PCDHGB1: variants seen among roughly 807,000 people sequenced by gnomAD.
The protein encoded by PCDHGB1 is protocadherin gamma-B1.
In PCDHGB1, 34 loss-of-function variants were observed where a neutral mutation model predicts 56.6. The observed-to-expected ratio is 0.60, with a 90% CI of 0.46 to 0.80. PCDHGB1 has a LOEUF of 0.80. Ranked by LOEUF, PCDHGB1 falls within the 30% of genes least tolerant of loss-of-function variation. The pLI, the probability that PCDHGB1 is intolerant of heterozygous loss-of-function variation, is 0.00. For synonymous variants in PCDHGB1, 561 were observed against 505.9 expected, an observed-to-expected ratio of 1.11 and a Z score of -1.46; for missense variants, 1,278 against 1,204.6, an observed-to-expected ratio of 1.06 and a Z score of -0.90.
intron 1 of PCDHGB1, chr5:141,441,973 C>T (rs1457832429): frequency 6.7e-6 from 2 of 296,542 alleles, no homozygotes; most frequent in Admixed American, 4.4e-5. Context: ...GCTCTTCAGC[C>T]TGGAATGCGC....
At chr5:141,381,572 T>A (rs566489339) in intron 1 of PCDHGB1, among the ~76,000 whole-genome samples, 1 of 152,338 alleles carries the variant, frequency 6.6e-6, no homozygotes, top group African/African-American at 2.4e-5. Flanking sequence ...ATGAAAAGAA[T>A]CAGCCAATCC....
At chr5:141,374,035 A>G in intron 1 of PCDHGB1, 1 of 1,444,760 alleles carries the variant, frequency 6.9e-7, no homozygotes, top group Non-Finnish European at 9.1e-7. Context: ...AGTGATGCAG[A>G]TCTGTTCTTC....
chr5:141,504,645 T>C (rs1481469819), intron 2 of PCDHGB1, among the ~76,000 whole-genome samples: 2 of 112,538 alleles, frequency 1.8e-5, no homozygotes, highest in Non-Finnish European at 3.4e-5. Context: ...GGTTTGATGA[T>C]AGAGTGTTTG....
chr5:141,404,909 C>G, intron 1 of PCDHGB1: 1 of 1,613,916 alleles, frequency 6.2e-7, no homozygotes, highest in Non-Finnish European at 8.5e-7. Flanking sequence ...TGGCCAGCCC[C>G]CTCTCTCGGC....
Position 141,350,650 on chromosome 5 carries a change from C to G in PCDHGB1, c.390C>G (p.Phe130Leu). The G allele has an allele frequency of 5.6e-6, 9 of 1,614,020 alleles. No individual in the cohort carries two copies. Among genetic ancestry groups the G allele is most frequent in the Non-Finnish European group, 6.8e-6 (8 of 1,179,898 alleles). ...ATATTAATGACAATGCACCACGTTT[C>G]GTTGCAAAAGGCATTGACTTAGAAA... Reference protein sequence around the residue: ...IQDINDNAPRFVAKGIDLEIC... With the variant: ...IQDINDNAPRLVAKGIDLEIC... Residue 130 changes from phenylalanine (F) to leucine (L), a missense_variant, in exon 1 of 4, where the codon TTC becomes TTG. Physicochemically the swap from Phe to Leu is conservative, Grantham distance 22. Transcript: ENST00000523390.
intron 1 of PCDHGB1, chr5:141,388,296 T>G: frequency 1.2e-6 from 2 of 1,613,704 alleles, no homozygotes; most frequent in Non-Finnish European, 1.7e-6. Flanking sequence ...GCAAAATTCC[T>G]TTGAGCTGCA....
chr5:141,384,218 T>C (rs1245580303), intron 1 of PCDHGB1: 2 of 1,613,904 alleles, frequency 1.2e-6, no homozygotes, highest in Non-Finnish European at 1.7e-6. Context: ...CACATATTCA[T>C]GCAGGTGGCA....
chr5:141,492,851 C>T (rs1289268967), intron 1 of PCDHGB1, among the ~76,000 whole-genome samples: 2 of 152,204 alleles, frequency 1.3e-5, no homozygotes, highest in Non-Finnish European at 2.9e-5. Flanking sequence ...GTGAAAGCCT[C>T]GAGCGCCCTG....
chr5:141,491,513 A>C lies in PCDHGB1; in HGVS notation c.2410-3294A>C, dbSNP rs1163218369. On this transcript the variant is annotated intron_variant, in intron 1 of 3. Coordinates refer to ENST00000523390, the MANE Select transcript of PCDHGB1 (RefSeq NM_018922.3). The surrounding 1 kb of genome is among the most constrained non-coding windows in gnomAD (Gnocchi z 6.9). ...CAGGTGAGCTCGGACGGCACGCTCAAGTACATGGAGGTGACGCTGCGGCCC... is the reference window on the plus strand; with the variant it reads ...CAGGTGAGCTCGGACGGCACGCTCACGTACATGGAGGTGACGCTGCGGCCC... The C allele has an allele frequency of 6.2e-7, 1 of 1,613,934 alleles. No individual in the cohort carries two copies. Among genetic ancestry groups the C allele is most frequent in the East Asian group, 2.2e-5 (1 of 44,888 alleles).
chr5:141,412,918 G>A (rs893690519), intron 1 of PCDHGB1: 17 of 414,102 alleles, frequency 4.1e-5, no homozygotes, highest in Non-Finnish European at 5.5e-5. Context: ...TATCACTTGG[G>A]TGCAGTAACT....
At position 141,397,472 on chromosome 5, in the gene PCDHGB1, A is replaced by T. The variant is rs548612657; in HGVS notation, c.2409+44803A>T. 6.6e-4 allele frequency among the ~76,000 whole-genome samples: 100 copies of T among 152,362 alleles called. 1 individual carries two copies. Among genetic ancestry groups the T allele is most frequent in the African/African-American group, 2.4e-3 (99 of 41,586 alleles). ...AACACTAGAAATATTGGGGAGTTGG[A>T]AATCATAGAAATGAACAGAAGAATG... On this transcript the variant is annotated intron_variant, in intron 1 of 3. Coordinates refer to ENST00000523390, the MANE Select transcript of PCDHGB1 (RefSeq NM_018922.3).
chr5:141,489,530 G>A lies in PCDHGB1; in HGVS notation c.2410-5277G>A. 6.2e-7 allele frequency: 1 copy of A among 1,614,092 alleles called. No homozygotes were observed. Among genetic ancestry groups the A allele is most frequent in the Non-Finnish European group, 8.5e-7 (1 of 1,180,022 alleles). On this transcript the variant is annotated intron_variant, in intron 1 of 3. Transcript: ENST00000523390. This position sits in a 1 kb window ranked among gnomAD's most constrained non-coding sequence, Gnocchi z 4.5. ...AAGATTGACCGAGAAAGCCTATGTGGAGCCAGCACCAGCTGCCTGCTGCCA... is the reference window on the plus strand; with the variant it reads ...AAGATTGACCGAGAAAGCCTATGTGAAGCCAGCACCAGCTGCCTGCTGCCA...
At chr5:141,360,070 C>T (rs1230687498) in intron 1 of PCDHGB1, 2 of 1,469,578 alleles carry the variant, frequency 1.4e-6, no homozygotes, top group Non-Finnish European at 1.8e-6. Context: ...GTGACCTTAG[C>T]CCGGATTCTG....
At chr5:141,410,012 C>T (rs1256228205) in intron 1 of PCDHGB1, 24 of 1,613,212 alleles carry the variant, frequency 1.5e-5, no homozygotes, top group Non-Finnish European at 2.0e-5. Context: ...CAACGCCTGG[C>T]TGTCCTACCA....
chr5:141,464,707 A>G (rs1052234067), intron 1 of PCDHGB1, among the ~76,000 whole-genome samples: 13 of 152,112 alleles, frequency 8.5e-5, no homozygotes, highest in African/African-American at 3.1e-4. Flanking sequence ...ATGAGGTTAA[A>G]TAGTTTTTCA....
intron 1 of PCDHGB1, chr5:141,428,285 C>G (rs765814584): frequency 1.1e-5 from 8 of 734,934 alleles, no homozygotes; most frequent in Non-Finnish European, 1.7e-5. Context: ...GATTCCCAAG[C>G]AAAGCTGCAG....
Position 141,476,072 on chromosome 5 carries a change from C to A in PCDHGB1, c.2410-18735C>A. 1.3e-6 allele frequency: 2 copies of A among 1,523,462 alleles called. No individual in the cohort carries two copies. The highest frequency in any genetic ancestry group is 1.3e-5 in the South Asian group (1 of 77,998). 94.4% of individuals were successfully genotyped at this position (1,523,462 alleles called of 1,614,324 possible). The stretch of plus-strand genomic sequence containing the variant: ...CGCTGAAAGTTTCTCAGCGAAATCT[C>A]AGGGACGATCTGGACCCCGCTGAGA... On this transcript the variant is annotated intron_variant, in intron 1 of 3. Coordinates refer to ENST00000523390, the MANE Select transcript of PCDHGB1 (RefSeq NM_018922.3). The surrounding 1 kb of genome is among the most constrained non-coding windows in gnomAD (Gnocchi z 7.6).
chr5:141,369,897 C>G (rs988616109), intron 1 of PCDHGB1, among the ~76,000 whole-genome samples: 1 of 152,098 alleles, frequency 6.6e-6, no homozygotes, highest in Non-Finnish European at 1.5e-5. Context: ...ATTATTATGA[C>G]CATTTTATGA....
intron 1 of PCDHGB1, chr5:141,423,652 A>G (rs746768292): frequency 1.9e-6 from 3 of 1,583,268 alleles, no homozygotes; most frequent in Non-Finnish European, 2.6e-6. Flanking sequence ...TGACCCGACA[A>G]GTAATCAGGT....
Sources: gnomAD v4.1 joint callset for allele counts (sites outside exome capture counted in the v4.1 genomes callset) on GRCh38, gnomAD v4.1.1 for gene constraint, Gnocchi (gnomAD v3.1) non-coding constraint, MANE v1.5 for transcripts, NCBI Gene and HGNC (gene_info 2026-07-23, HGNC 2026-07-21) for gene names.